Variants in SRCIN1 observed in about 807,000 individuals in gnomAD.
SRCIN1 encodes the protein SRC kinase signaling inhibitor 1.
A neutral mutation model predicts 116.2 loss-of-function variants in SRCIN1; 50 were observed. The observed-to-expected ratio is 0.43, with a 90% CI of 0.34 to 0.54. The LOEUF is 0.54. Ranked by LOEUF, SRCIN1 falls within the 20% of genes least tolerant of loss-of-function variation. SRCIN1 has a pLI of 0.02. For synonymous variants in SRCIN1, 736 were observed against 750.0 expected (o/e 0.98, Z 0.30); for missense variants, 1,446 against 1,672.0 (o/e 0.86, Z 2.36).
chr17:38,587,021 A>G (rs983564764), intron 1 of SRCIN1, among the ~76,000 whole-genome samples: 10 of 152,034 alleles, frequency 6.6e-5, no homozygotes, highest in African/African-American at 1.9e-4. Context: ...GGCGGGCATC[A>G]GATGCTTCCC....
At position 38,533,046 on chromosome 17, in the gene SRCIN1, T is replaced by C; in HGVS notation, c.*251A>G. On this transcript the variant is annotated 3_prime_UTR_variant, in exon 19 of 19. Coordinates refer to ENST00000617146, the MANE Select transcript of SRCIN1 (RefSeq NM_025248.3). The stretch of plus-strand genomic sequence containing the variant: ...GCTGGGATCAAGGAAGGTGGTGTGT[T>C]TGGTTTTTAGTTTTACTGTTTAAAA... The C allele has an allele frequency of 3.1e-6, 1 of 324,400 alleles. No homozygotes were observed. The highest frequency in any genetic ancestry group is 8.3e-4 in the Middle Eastern group (1 of 1,198). 20.1% of individuals were successfully genotyped at this position (324,400 alleles called of 1,614,324 possible).
intron 1 of SRCIN1, among the ~76,000 whole-genome samples, chr17:38,595,859 C>T (rs1183081755): frequency 3.3e-5 from 5 of 152,276 alleles, no homozygotes; most frequent in African/African-American, 1.2e-4. Context: ...CACACGTGCA[C>T]ATACAGACAT....
chr17:38,558,467 C>A lies in SRCIN1; in HGVS notation c.2026-65G>T, dbSNP rs530248807. On this transcript the variant is annotated intron_variant, in intron 10 of 18. Transcript: ENST00000617146. This position sits in a 1 kb window ranked among gnomAD's most constrained non-coding sequence, Gnocchi z 4.6. ...CGGAGCCGCGAGGCAGGGGAAGGGC[C>A]GGGAGAAGGCGGGTAGAGGACTGCC... 1 of 1,509,100 alleles carries A rather than the reference C, an allele frequency of 6.6e-7. No homozygotes were observed. The highest frequency in any genetic ancestry group is 2.2e-5 in the Admixed American group (1 of 45,410). The allele number at this position is 1,509,100 out of a possible 1,614,324, so 93.5% of individuals were successfully genotyped here.
intron 17 of SRCIN1, among the ~76,000 whole-genome samples, chr17:38,547,443 C>T (rs896535248): frequency 6.6e-5 from 10 of 152,186 alleles, no homozygotes; most frequent in Non-Finnish European, 1.2e-4. Flanking sequence ...TAAGCTCAAA[C>T]TGCGAACCAG....
chr17:38,578,738 G>C lies in SRCIN1; in HGVS notation c.76C>G (p.Arg26Gly). 6.6e-7 allele frequency: 1 copy of C among 1,511,462 alleles called. No homozygotes were observed. Among genetic ancestry groups the C allele is most frequent in the Non-Finnish European group, 8.8e-7 (1 of 1,132,690 alleles). 93.6% of individuals were successfully genotyped at this position (1,511,462 alleles called of 1,614,324 possible). A position where few individuals can be genotyped will look rare whatever the true frequency, so the allele number is the denominator to read the frequency against. ...CCGCCCCCCAGGGTCCGGTACTCCC[G>C]CGGGTACTCCGCATCGTCCGCAGAC... ...MLSADDAEYP[R>G]EYRTLGGGGG... The change falls in exon 2 of 19, where the codon CGG (arginine) becomes GGG (glycine). Residue 26 changes from arginine to glycine, a missense_variant. Coordinates refer to ENST00000617146, the MANE Select transcript of SRCIN1 (RefSeq NM_025248.3).
At chr17:38,566,084 CT>C (rs1740170302) in intron 3 of SRCIN1, among the ~76,000 whole-genome samples, 1 of 152,118 alleles carries the variant, frequency 6.6e-6, no homozygotes, top group Non-Finnish European at 1.5e-5. Flanking sequence ...GGTTGCCAGG[CT>C]AGTGCGGATG....
Position 38,569,339 on chromosome 17 carries a change from G to C in SRCIN1, c.325-1108C>G, listed in dbSNP as rs570076059. On this transcript the variant is annotated intron_variant, in intron 2 of 18. Transcript: ENST00000617146. ...CAGCCTCAGCAGGGAGACAGAGGCA[G>C]CAGATGGCCTGGCCCGGGGGTGCCT... 1.2e-4 allele frequency among the ~76,000 whole-genome samples: 18 copies of C among 152,356 alleles called. No individual in the cohort carries two copies. The South Asian group carries it at 3.5e-3, about 30-fold the overall frequency.
chr17:38,563,178 G>C lies in SRCIN1; in HGVS notation c.740+145C>G. 2 of 915,768 alleles carry C rather than the reference G, an allele frequency of 2.2e-6. No homozygotes were observed. The highest frequency in any genetic ancestry group is 3.3e-6 in the Non-Finnish European group (2 of 612,944). 56.7% of individuals were successfully genotyped at this position (915,768 alleles called of 1,614,324 possible). On this transcript the variant is annotated intron_variant, in intron 5 of 18. Transcript: ENST00000617146. The surrounding 1 kb of genome is among the most constrained non-coding windows in gnomAD (Gnocchi z 5.8). ...GTGGGGGCTGAGATGGCCGAGGAAG[G>C]GGGCGGGGCGGTAGGGCTCTGGGAG...
At chr17:38,597,227 CCA>C (rs1234914992) in intron 1 of SRCIN1, among the ~76,000 whole-genome samples, 1 of 152,206 alleles carries the variant, frequency 6.6e-6, no homozygotes, top group African/African-American at 2.4e-5. Flanking sequence ...GTGTCTAGCC[CCA>C]GAGAACTTCC....
intron 3 of SRCIN1, among the ~76,000 whole-genome samples, chr17:38,566,120 G>A (rs892116176): frequency 6.6e-6 from 1 of 152,148 alleles, no homozygotes; most frequent in African/African-American, 2.4e-5. Context: ...CAGGCAGCAC[G>A]AGGCAGCCAG....
chr17:38,593,726 C>T (rs1374334902), intron 1 of SRCIN1, among the ~76,000 whole-genome samples: 1 of 152,050 alleles, frequency 6.6e-6, no homozygotes, highest in Non-Finnish European at 1.5e-5. Context: ...TTTCTCAAAA[C>T]TCAGCAATGA....
Position 38,565,219 on chromosome 17 carries a change from T to C in SRCIN1, c.346-906A>G, listed in dbSNP as rs1007869482. Among the ~76,000 whole-genome samples, 5 of 152,188 alleles carry C rather than the reference T, an allele frequency of 3.3e-5. No homozygotes were observed. In the South Asian group the frequency reaches 8.3e-4, roughly 25 times the overall value. On this transcript the variant is annotated intron_variant, in intron 3 of 18. Coordinates refer to ENST00000617146, the MANE Select transcript of SRCIN1 (RefSeq NM_025248.3). ...CCTACTTTTGGCTGAAACCTGGGGA[T>C]GTCACTCAGGGCCACAGCCCCTGAC...
chr17:38,555,204 C>T (rs975795996), intron 11 of SRCIN1, among the ~76,000 whole-genome samples: 5 of 152,242 alleles, frequency 3.3e-5, no homozygotes, highest in Non-Finnish European at 7.3e-5. Flanking sequence ...CTAGACTACA[C>T]ATCCCAGCCT....
chr17:38,575,213 C>A (rs941878010), intron 2 of SRCIN1, among the ~76,000 whole-genome samples: 1 of 152,292 alleles, frequency 6.6e-6, no homozygotes, highest in African/African-American at 2.4e-5. Flanking sequence ...GAGCCCAGGG[C>A]AGGGCCTTCC....
rs947014537 is a variant in SRCIN1 at position 38,576,551 on chromosome 17, C to T, written c.324+1939G>A. Reference sequence around the variant, plus strand: ...AGGTCCACTTTGTATCTGCTGTGACCGTGCTCAACTCTTCTCCTGAAGCTG... The same window carrying T: ...AGGTCCACTTTGTATCTGCTGTGACTGTGCTCAACTCTTCTCCTGAAGCTG... On this transcript the variant is annotated intron_variant, in intron 2 of 18. Coordinates refer to ENST00000617146, the MANE Select transcript of SRCIN1 (RefSeq NM_025248.3). Among the ~76,000 whole-genome samples the T allele has an allele frequency of 3.9e-5, 6 of 152,054 alleles. No individual in the cohort carries two copies. The East Asian group carries it at 1.2e-3, about 29-fold the overall frequency.
At chr17:38,586,692 G>A (rs1597928188) in intron 1 of SRCIN1, among the ~76,000 whole-genome samples, 1 of 152,354 alleles carries the variant, frequency 6.6e-6, no homozygotes, top group East Asian at 1.9e-4. Context: ...GCCCTGGAGG[G>A]AGCTGGGAGC....
chr17:38,564,360 CCT>C (rs370527028), intron 3 of SRCIN1, 47 bp from the exon 4 acceptor site: 252,968 of 1,156,080 alleles, frequency 0.22, 6,094 homozygotes, highest in South Asian at 0.29. Context: ...GAGCACCCCC[CCT>C]CCCCTTTGCT....
rs1244387098 is a variant in SRCIN1, at chr17:38,572,794, C to A, written c.325-4563G>T. ...CGGCCGCCTCCGCAGCCGCGGCCGC[C>A]GCCGCCGGTGCCCTTTGCTGCAATG... is the stretch of plus-strand genomic sequence containing the variant. On this transcript the variant is annotated intron_variant, in intron 2 of 18. Transcript: ENST00000617146. This position sits in a 1 kb window ranked among gnomAD's most constrained non-coding sequence, Gnocchi z 4.3. The A allele has an allele frequency of 2.0e-5, 3 of 152,694 alleles. No individual in the cohort carries two copies. The highest frequency in any genetic ancestry group is 4.4e-5 in the Non-Finnish European group (3 of 67,972). 9.5% of individuals were successfully genotyped at this position (152,694 alleles called of 1,614,324 possible).
intron 1 of SRCIN1, among the ~76,000 whole-genome samples, chr17:38,591,265 A>G (rs1908425298): frequency 6.6e-6 from 1 of 152,208 alleles, no homozygotes; most frequent in Admixed American, 6.5e-5. Context: ...TCCTTCCTTA[A>G]CATGAGCCAC....
Sources: gnomAD v4.1 joint callset for allele counts (sites outside exome capture counted in the v4.1 genomes callset) on GRCh38, gnomAD v4.1.1 for gene constraint, Gnocchi (gnomAD v3.1) non-coding constraint, MANE v1.5 for transcripts, NCBI Gene and HGNC (gene_info 2026-07-23, HGNC 2026-07-21) for gene names.